The following GLRA1 variants were observed in gnomAD, a reference collection of about 807,000 sequenced individuals.
GLRA1 encodes glycine receptor subunit alpha-1.
Under a neutral mutation model 48.3 loss-of-function variants are expected in GLRA1, and 37 were observed. That is an observed-to-expected ratio of 0.77 (90% confidence interval 0.59 to 1.01). GLRA1 has a LOEUF of 1.01. Ranked by LOEUF, GLRA1 falls within the 50% of genes least tolerant of loss-of-function variation. The pLI, the probability that GLRA1 is intolerant of heterozygous loss-of-function variation, is 0.00. For missense variants in GLRA1, 427 were observed against 571.0 expected, an observed-to-expected ratio of 0.75 and a Z score of 2.57; for synonymous variants, 196 against 210.7, an observed-to-expected ratio of 0.93 and a Z score of 0.60.
rs141417960 is a variant in GLRA1 at position 151,866,852 on chromosome 5, C to G, written c.253-6844G>C. On this transcript the variant is annotated intron_variant, in intron 3 of 8. Coordinates refer to ENST00000274576, the MANE Select transcript of GLRA1 (RefSeq NM_000171.4). The stretch of plus-strand genomic sequence containing the variant: ...CATGCGGTGGCTCACGCCTGTAATC[C>G]CAGCACTTTGGGAGGCCAAAATGGG... Among the ~76,000 whole-genome samples the G allele has an allele frequency of 4.2e-3, 640 of 152,150 alleles. 7 individuals carry two copies. The highest frequency in any genetic ancestry group is 0.015 in the African/African-American group (627 of 41,510).
At chr5:151,911,089 C>T (rs1490118219) in intron 1 of GLRA1, among the ~76,000 whole-genome samples, 2 of 152,180 alleles carry the variant, frequency 1.3e-5, no homozygotes, top group Non-Finnish European at 2.9e-5. Context: ...CTGGGCTGAG[C>T]CAACATAACA....
At chr5:151,914,686 G>T (rs1317930829) in intron 1 of GLRA1, among the ~76,000 whole-genome samples, 4 of 152,180 alleles carry the variant, frequency 2.6e-5, no homozygotes, top group Admixed American at 1.3e-4. Flanking sequence ...GTGGGACAAA[G>T]GAGAAAGGAC....
chr5:151,853,980 A>G (rs1328055412), intron 6 of GLRA1, among the ~76,000 whole-genome samples: 1 of 152,250 alleles, frequency 6.6e-6, no homozygotes. Context: ...TTCACAATGC[A>G]TATGTATATC....
At chr5:151,903,461 C>G (rs1473362463) in intron 1 of GLRA1, among the ~76,000 whole-genome samples, 1 of 152,080 alleles carries the variant, frequency 6.6e-6, no homozygotes, top group Admixed American at 6.6e-5. Flanking sequence ...TTTGTTGATT[C>G]CCTTGAATCC....
intron 1 of GLRA1, among the ~76,000 whole-genome samples, chr5:151,920,412 C>T (rs1754845794): frequency 6.6e-6 from 1 of 152,158 alleles, no homozygotes; most frequent in South Asian, 2.1e-4. Context: ...TGGCCGTAAC[C>T]TCTTTCATAA....
chr5:151,823,722 C>T (rs1263539509), intron 8 of GLRA1, among the ~76,000 whole-genome samples: 9 of 152,206 alleles, frequency 5.9e-5, no homozygotes, highest in Non-Finnish European at 1.3e-4. Context: ...TCCTTCTCCC[C>T]CACCAGATAC....
chr5:151,848,102 A>G (rs926872437), intron 7 of GLRA1, among the ~76,000 whole-genome samples: 10 of 152,362 alleles, frequency 6.6e-5, no homozygotes, highest in African/African-American at 1.2e-4. Flanking sequence ...TGAGGCTGCT[A>G]TCTTAGAAAG....
intron 3 of GLRA1, among the ~76,000 whole-genome samples, chr5:151,885,478 G>T (rs1220710008): frequency 6.6e-6 from 1 of 152,230 alleles, no homozygotes; most frequent in Non-Finnish European, 1.5e-5. Context: ...GGGCACACGT[G>T]AACTCACACA....
intron 1 of GLRA1, among the ~76,000 whole-genome samples, chr5:151,910,299 A>G (rs1308396353): frequency 2.0e-5 from 3 of 152,192 alleles, no homozygotes; most frequent in African/African-American, 4.8e-5. Flanking sequence ...ATTAAAAAAT[A>G]TATTTTCCAG....
chr5:151,893,359 TC>T (rs1370837263), intron 1 of GLRA1, among the ~76,000 whole-genome samples: 1 of 133,680 alleles, frequency 7.5e-6, no homozygotes, highest in Non-Finnish European at 1.6e-5. Context: ...TTTCTTTCTT[TC>T]ATTTTAGTTC....
At chr5:151,860,736 A>G (rs879809715) in intron 3 of GLRA1, among the ~76,000 whole-genome samples, 264 of 149,842 alleles carry the variant, frequency 1.8e-3, no homozygotes, top group Middle Eastern at 3.4e-3. Flanking sequence ...GTTTTTTTTT[A>G]TTTATTATAC....
chr5:151,893,837 T>C (rs147496016), intron 1 of GLRA1, among the ~76,000 whole-genome samples: 35 of 152,342 alleles, frequency 2.3e-4, no homozygotes, highest in African/African-American at 8.4e-4. Flanking sequence ...CATGTATCTT[T>C]ATAGTAGAAT....
chr5:151,900,705 A>G (rs1400195869), intron 1 of GLRA1, among the ~76,000 whole-genome samples: 1 of 152,092 alleles, frequency 6.6e-6, no homozygotes, highest in African/African-American at 2.4e-5. Flanking sequence ...CTCCAGGTGC[A>G]TGTGTGAAGG....
At chr5:151,864,138 C>CGTGT (rs1561562140) in intron 3 of GLRA1, among the ~76,000 whole-genome samples, 1 of 115,372 alleles carries the variant, frequency 8.7e-6, no homozygotes, top group Non-Finnish European at 2.0e-5. Flanking sequence ...GTGAAGTGTG[C>CGTGT]ATGTGTGTGT....
intron 7 of GLRA1, among the ~76,000 whole-genome samples, chr5:151,835,415 T>C (rs1228856002): frequency 6.6e-6 from 1 of 152,168 alleles, no homozygotes; most frequent in African/African-American, 2.4e-5. Context: ...CCTCCCTAAC[T>C]CATTTTATGA....
intron 6 of GLRA1, among the ~76,000 whole-genome samples, chr5:151,853,090 G>A (rs1161980054): frequency 6.6e-6 from 1 of 152,156 alleles, no homozygotes; most frequent in Non-Finnish European, 1.5e-5. Context: ...GAGGCTGAGG[G>A]ATGGGGGAAA....
At chr5:151,924,178 T>C (rs1754948519) in intron 1 of GLRA1, among the ~76,000 whole-genome samples, 1 of 151,970 alleles carries the variant, frequency 6.6e-6, no homozygotes, top group East Asian at 1.9e-4. Context: ...AAAGCCAACA[T>C]GCAGTGGGGC....
rs753680915 is a variant in GLRA1 at position 151,924,540 on chromosome 5, A to C, written c.10T>G (p.Phe4Val). The part of the protein sequence containing the change: MYS[F>V]NTLRLYLWET... Reference sequence around the variant, plus strand: ...CAAAGGTAGAGTCGAAGAGTATTGAAGCTGTACATTTTTCAGGTCCTTGTG... The same window carrying C: ...CAAAGGTAGAGTCGAAGAGTATTGACGCTGTACATTTTTCAGGTCCTTGTG... The change falls in exon 1 of 9, where the codon TTC becomes GTC. Residue 4 changes from phenylalanine to valine, a missense_variant. Physicochemically the swap from Phe to Val is conservative, Grantham distance 50. Around this residue, in one of 4 missense-constraint regions of GLRA1, gnomAD observed 271 missense variants for 434.9 expected, o/e 0.62. Transcript: ENST00000274576. The C allele has an allele frequency of 1.2e-6, 2 of 1,603,464 alleles. No individual in the cohort carries two copies. Among genetic ancestry groups the C allele is most frequent in the East Asian group, 4.5e-5 (2 of 44,834 alleles).
chr5:151,918,320 T>C (rs1226734257), intron 1 of GLRA1, among the ~76,000 whole-genome samples: 3 of 152,222 alleles, frequency 2.0e-5, no homozygotes, highest in Non-Finnish European at 1.5e-5. Context: ...GGGAGACAGC[T>C]GGAGTTCAAG....
Sources: gnomAD v4.1 joint callset for allele counts (sites outside exome capture counted in the v4.1 genomes callset) on GRCh38, gnomAD v4.1.1 for gene constraint, gnomAD v4.1.1 regional missense constraint, MANE v1.5 for transcripts, NCBI Gene and HGNC (gene_info 2026-07-23, HGNC 2026-07-21) for gene names.